Variants in ACTR3C observed in about 807,000 individuals in gnomAD.
ACTR3C encodes the protein actin-related protein 3C.
ACTR3C carries 18 observed loss-of-function variants against 26.3 expected under a neutral mutation model. The observed-to-expected ratio is 0.68, with a 90% confidence interval of 0.47 to 1.01. ACTR3C has a LOEUF of 1.01. Ranked by LOEUF, ACTR3C falls within the 50% of genes least tolerant of loss-of-function variation. ACTR3C has a pLI of 0.00. For synonymous variants in ACTR3C, 55 were observed against 94.5 expected (o/e 0.58, Z 2.42); for missense variants, 184 against 250.7 (o/e 0.73, Z 1.80).
chr7:150,038,461 C>T, the ACTR3C span, among the ~76,000 whole-genome samples: 21 of 143,154 alleles, frequency 1.5e-4, 2 homozygotes, highest in Non-Finnish European at 2.9e-4. Flanking sequence ...TCAAAAGTTC[C>T]GGGTCCCCGC....
At chr7:149,958,791 G>A in the ACTR3C span, among the ~76,000 whole-genome samples, 1 of 152,212 alleles carries the variant, frequency 6.6e-6, no homozygotes, top group African/African-American at 2.4e-5. Flanking sequence ...CGTTTGCAAA[G>A]AAGAGGTATG....
the ACTR3C span, among the ~76,000 whole-genome samples, chr7:150,052,091 A>G: frequency 2.5e-4 from 38 of 151,922 alleles, no homozygotes; most frequent in African/African-American, 8.9e-4. Flanking sequence ...GTCTTCCCTA[A>G]AACAGTGGGC....
chr7:150,014,360 G>A, the ACTR3C span, among the ~76,000 whole-genome samples: 8 of 151,042 alleles, frequency 5.3e-5, no homozygotes, highest in African/African-American at 1.9e-4. Context: ...GGAGGCTGAG[G>A]CAGGAGAATG....
the ACTR3C span, among the ~76,000 whole-genome samples, chr7:150,038,896 CTG>C: frequency 1.8e-5 from 1 of 55,572 alleles, no homozygotes; most frequent in Admixed American, 2.0e-4. Context: ...TGCCTCCCCC[CTG>C]CGATGGGGGT....
chr7:149,904,720 G>A, the ACTR3C span, among the ~76,000 whole-genome samples: 1 of 150,348 alleles, frequency 6.7e-6, no homozygotes, highest in Admixed American at 6.7e-5. Flanking sequence ...TCAAGGGCGG[G>A]CACAGTGGCT....
At chr7:150,293,025 C>A (rs200308078) in intron 3 of ACTR3C, among the ~76,000 whole-genome samples, 1 of 151,718 alleles carries the variant, frequency 6.6e-6, no homozygotes. Flanking sequence ...GATCCAGAGA[C>A]ATCCTGGACA....
At chr7:150,131,536 A>C in the ACTR3C span, among the ~76,000 whole-genome samples, 1 of 152,306 alleles carries the variant, frequency 6.6e-6, no homozygotes, top group South Asian at 2.1e-4. Flanking sequence ...GTATTTATTC[A>C]AGAAAAAAAA....
the ACTR3C span, among the ~76,000 whole-genome samples, chr7:149,897,931 TG>T: frequency 9.1e-3 from 1,387 of 152,130 alleles, 37 homozygotes; most frequent in African/African-American, 0.032. Context: ...AAGGGCATCT[TG>T]AGGTAACAGG....
chr7:150,074,125 C>T, the ACTR3C span: 6 of 152,228 alleles, frequency 3.9e-5, no homozygotes, highest in Admixed American at 1.3e-4. Context: ...GACCTCGTCA[C>T]ACTCCAGGCC....
the ACTR3C span, among the ~76,000 whole-genome samples, chr7:149,921,456 C>T: frequency 6.6e-6 from 1 of 152,184 alleles, no homozygotes; most frequent in Non-Finnish European, 1.5e-5. Flanking sequence ...TATTTCTTTC[C>T]TTATGGATGT....
At chr7:150,300,124 G>A (rs1324206472) in intron 1 of ACTR3C, among the ~76,000 whole-genome samples, 1 of 152,124 alleles carries the variant, frequency 6.6e-6, no homozygotes, top group Non-Finnish European at 1.5e-5. Flanking sequence ...AGGCTGAGGT[G>A]GGCGGATCAT....
chr7:150,158,916 CGTGCACACACAT>C, the ACTR3C span, among the ~76,000 whole-genome samples: 2 of 147,856 alleles, frequency 1.4e-5, no homozygotes, highest in African/African-American at 5.2e-5. Context: ...CGCACACACA[CGTGCACACACAT>C]GTGCGCAGAC....
At chr7:150,098,877 A>G in the ACTR3C span, among the ~76,000 whole-genome samples, 1 of 151,448 alleles carries the variant, frequency 6.6e-6, no homozygotes, top group Admixed American at 6.6e-5. Context: ...GCCTTCCCTC[A>G]TTGCATCTTA....
chr7:150,151,055 T>TAA, the ACTR3C span, among the ~76,000 whole-genome samples: 534 of 103,550 alleles, frequency 5.2e-3, 16 homozygotes, highest in African/African-American at 0.019. Flanking sequence ...AGTAAAACTA[T>TAA]ATTTTCCTTC....
chr7:149,969,513 A>G, the ACTR3C span, among the ~76,000 whole-genome samples: 2 of 152,170 alleles, frequency 1.3e-5, no homozygotes, highest in Non-Finnish European at 2.9e-5. Flanking sequence ...GCGCAAGTAA[A>G]GCCCTTTTCT....
the ACTR3C span, among the ~76,000 whole-genome samples, chr7:150,127,503 C>T: frequency 4.0e-5 from 6 of 151,576 alleles, no homozygotes; most frequent in African/African-American, 1.5e-4. Context: ...GCGTCTCATG[C>T]CACACCACAA....
chr7:149,948,808 C>T, the ACTR3C span, among the ~76,000 whole-genome samples: 1 of 151,952 alleles, frequency 6.6e-6, no homozygotes, highest in African/African-American at 2.4e-5. Context: ...ACCAGGACAC[C>T]TTCACGGTCC....
chr7:150,036,309 C>G, the ACTR3C span, among the ~76,000 whole-genome samples: 2,441 of 147,576 alleles, frequency 0.017, 92 homozygotes, highest in South Asian at 0.02. Context: ...TGCCAAGGCC[C>G]TCAAATAGGG....
intron 5 of ACTR3C, among the ~76,000 whole-genome samples, chr7:150,285,343 C>T (rs183484187): frequency 2.6e-5 from 4 of 152,206 alleles, no homozygotes; most frequent in Admixed American, 1.3e-4. Context: ...TGAAACAATC[C>T]ACATGATAAT....
Sources: gnomAD v4.1 joint callset for allele counts (sites outside exome capture counted in the v4.1 genomes callset) on GRCh38, gnomAD v4.1.1 for gene constraint, MANE v1.5 for transcripts, NCBI Gene and HGNC (gene_info 2026-07-23, HGNC 2026-07-21) for gene names.